Variants in ARL6IP4 observed in about 807,000 individuals in gnomAD.
ARL6IP4 encodes the protein ARF like GTPase 6 interacting protein 4.
Under a neutral mutation model 28.1 loss-of-function variants are expected in ARL6IP4, and 24 were observed. The observed-to-expected ratio is 0.86, with a 90% CI of 0.62 to 1.20. The LOEUF (loss-of-function observed/expected upper bound fraction) is 1.20. ARL6IP4 is among the 50% of genes most tolerant of loss of function. The probability of loss-of-function intolerance (pLI) is 0.00; values close to 1 mark genes in which losing one functional copy is unlikely to be tolerated. For missense variants in ARL6IP4, 343 were observed against 302.4 expected, an observed-to-expected ratio of 1.13 and a Z score of -1.00; for synonymous variants, 162 against 122.3, an observed-to-expected ratio of 1.32 and a Z score of -2.14.
intron 2 of ARL6IP4, 108 bp from the exon 3 acceptor site, chr12:122,981,463 T>C (rs2037649177): frequency 7.2e-7 from 1 of 1,392,472 alleles, no homozygotes; most frequent in African/African-American, 1.5e-5. Context: ...AAGCTCCATC[T>C]CTGTTCTGGA....
At chr12:122,980,998 G>C in intron 1 of ARL6IP4, 131 bp from the exon 2 acceptor site, 3 of 1,406,304 alleles carry the variant, frequency 2.1e-6, no homozygotes, top group Non-Finnish European at 2.8e-6. Context: ...GTGGGTGAGG[G>C]TCGCTCATTT....
rs897363775 is a variant in ARL6IP4 at position 122,982,859 on chromosome 12, C to T, written c.*183C>T. 6.3e-6 allele frequency: 4 copies of T among 634,862 alleles called. No individual in the cohort carries two copies. The highest frequency in any genetic ancestry group is 5.5e-5 in the African/African-American group (3 of 54,738). The allele number at this position is 634,862 out of a possible 1,614,324, so 39.3% of individuals were successfully genotyped here. ...TGGGGTCACCGGCCTGCTTGGCACC[C>T]CCATCTGAAAGAGCAGCACTTCTCA... On this transcript the variant is annotated 3_prime_UTR_variant, in exon 6 of 6. Transcript: ENST00000315580.
At chr12:122,982,352 A>C (rs1005844496) in intron 4 of ARL6IP4, 117 bp from the exon 5 acceptor site, 12 of 1,059,068 alleles carry the variant, frequency 1.1e-5, no homozygotes. Flanking sequence ...GGGTCTGTCC[A>C]CTCAAGGCTG....
At chr12:122,981,090 T>A (rs967320116) in intron 1 of ARL6IP4, 39 bp from the exon 2 acceptor site, 2 of 1,538,230 alleles carry the variant, frequency 1.3e-6, no homozygotes, top group Non-Finnish European at 1.8e-6. Context: ...GCGGCCGGCC[T>A]TGGGGGCTTC....
Position 122,981,655 on chromosome 12 carries a change from G to C in ARL6IP4, c.245G>C (p.Ser82Thr), listed in dbSNP as rs756947445. 1.9e-6 allele frequency: 3 copies of C among 1,556,930 alleles called. No homozygotes were observed. Among genetic ancestry groups the C allele is most frequent in the Non-Finnish European group, 2.6e-6 (3 of 1,150,744 alleles). ...TRSSSSSSSS[S>T]SSSSSSSSSS... ...TCCAGCTCCTCCTCCTCTTCTTCCA[G>C]TTCTTCTAGCTCCTCTTCTTCCTCC... The change falls in exon 3 of 6, where the codon AGT becomes ACT. Residue 82 changes from serine (S) to threonine (T), a missense_variant. Coordinates refer to ENST00000315580, the MANE Select transcript of ARL6IP4 (RefSeq NM_018694.4).
intron 1 of ARL6IP4, 116 bp downstream of exon 1, chr12:122,980,861 G>C: frequency 7.5e-7 from 1 of 1,333,708 alleles, no homozygotes; most frequent in Non-Finnish European, 9.5e-7. Context: ...GGCGGACGGC[G>C]GCCAGTTCCC....
chr12:122,981,371 G>T, intron 2 of ARL6IP4, 72 bp downstream of exon 2: 2 of 1,489,114 alleles, frequency 1.3e-6, no homozygotes, highest in Non-Finnish European at 1.8e-6. Flanking sequence ...AGTGGTCGGG[G>T]ACGCTCAGTC....
upstream of ARL6IP4, chr12:122,980,243 C>T (rs535210587): frequency 1.6e-6 from 2 of 1,235,080 alleles, no homozygotes; most frequent in Non-Finnish European, 2.0e-6. Flanking sequence ...AGAATCCTGG[C>T]TTCCTTCCGG....
At chr12:122,980,933 G>C (rs1046654560) in intron 1 of ARL6IP4, 188 bp downstream of exon 1, 12 of 1,379,812 alleles carry the variant, frequency 8.7e-6, no homozygotes, top group Non-Finnish European at 1.1e-5. Flanking sequence ...CCCTTAACAG[G>C]CACCGCTGCG....
chr12:122,982,365 G>C, intron 4 of ARL6IP4, 104 bp from the exon 5 acceptor site: 1 of 1,157,578 alleles, frequency 8.6e-7, no homozygotes, highest in Non-Finnish European at 1.2e-6. Flanking sequence ...CAAGGCTGCG[G>C]GGTGGGAGCC....
rs183797014 is a variant in ARL6IP4, at chr12:122,981,339, T to C, written c.160+40T>C. ...CATCGGGGAGAGGAGGCGCAGTTAC[T>C]ACCCGGGGAAGTCGGGCGAGCAGTG... On this transcript the variant is annotated intron_variant, in intron 2 of 5. Coordinates refer to ENST00000315580, the MANE Select transcript of ARL6IP4 (RefSeq NM_018694.4). 302 of 1,520,734 alleles carry C rather than the reference T, an allele frequency of 2.0e-4. No homozygotes were observed. In the African/African-American group the frequency reaches 3.6e-3, roughly 18 times the overall value. 94.2% of individuals were successfully genotyped at this position (1,520,734 alleles called of 1,614,324 possible).
upstream of ARL6IP4, chr12:122,980,502 G>A: frequency 1.5e-6 from 2 of 1,368,044 alleles, no homozygotes; most frequent in South Asian, 3.6e-5. Context: ...AGCCTTGGAA[G>A]TGGGCGCAGC....
chr12:122,981,317 C>A lies in ARL6IP4; in HGVS notation c.160+18C>A. 1 of 1,533,480 alleles carries A rather than the reference C, an allele frequency of 6.5e-7. No individual in the cohort carries two copies. Among genetic ancestry groups the A allele is most frequent in the Non-Finnish European group, 8.8e-7 (1 of 1,137,496 alleles). 95.0% of individuals were successfully genotyped at this position (1,533,480 alleles called of 1,614,324 possible). On this transcript the variant is annotated intron_variant, in intron 2 of 5. Transcript: ENST00000315580. ...GGCGGAGGGTGAGGACCACAGGCAT[C>A]GGGGAGAGGAGGCGCAGTTACTACC...
rs1261887306 is a variant in ARL6IP4, at chr12:122,982,680, C to T, written c.*4C>T. 6.8e-6 allele frequency: 11 copies of T among 1,613,196 alleles called. No homozygotes were observed. Among genetic ancestry groups the T allele is most frequent in the Non-Finnish European group, 5.1e-6 (6 of 1,179,896 alleles). On this transcript the variant is annotated 3_prime_UTR_variant, in exon 6 of 6. Coordinates refer to ENST00000315580, the MANE Select transcript of ARL6IP4 (RefSeq NM_018694.4). ...GCGAGCTGGGTTGCTTCCCTGAGGG[C>T]CCCCGCTGGCCAAGGCCTGTGGACG...
chr12:122,980,252 G>C, upstream of ARL6IP4: 1 of 1,237,270 alleles, frequency 8.1e-7, no homozygotes, highest in Non-Finnish European at 1.0e-6. Flanking sequence ...GCTTCCTTCC[G>C]GATGGGCCTG....
Position 122,981,717 on chromosome 12 carries a change from A to C in ARL6IP4, c.307A>C (p.Lys103Gln), listed in dbSNP as rs767208877. 6.4e-7 allele frequency: 1 copy of C among 1,552,794 alleles called. No individual in the cohort carries two copies. The highest frequency in any genetic ancestry group is 1.2e-5 in the South Asian group (1 of 84,390). The change falls in exon 3 of 6, where the codon AAG (lysine) becomes CAG (glutamine). Residue 103 changes from lysine (K) to glutamine (Q), a missense_variant. Transcript: ENST00000315580. ...SSSSSSDGRK[K>Q]RGKYKDKRRK... ...CTCTTCCTCCAGTGATGGCCGGAAG[A>C]AGCGGGGGAAGTACAAGGACAAGAG...
upstream of ARL6IP4, chr12:122,980,458 G>A (rs2037592488): frequency 7.3e-7 from 1 of 1,363,498 alleles, no homozygotes; most frequent in South Asian, 2.0e-5. Context: ...AGGGCACCGG[G>A]GGCGTGGGTG....
rs1160855664 is a variant in ARL6IP4, at chr12:122,981,611, G to A, written c.201G>A (p.Lys67=). Residue 67 remains lysine (K), a synonymous_variant, in exon 3 of 6, where the codon AAG becomes AAA. Transcript: ENST00000315580. Reference sequence around the variant, plus strand: ...GCATCACAGAGAGAAGCAAGCAGAAGGCCCGGAGGAGAACAAGATCCAGCT... The same window carrying A: ...GCATCACAGAGAGAAGCAAGCAGAAAGCCCGGAGGAGAACAAGATCCAGCT... ...SPCITERSKQ[K]ARRRTRSSSS... The A allele has an allele frequency of 2.6e-6, 4 of 1,560,738 alleles. No individual in the cohort carries two copies. Among genetic ancestry groups the A allele is most frequent in the Admixed American group, 1.9e-5 (1 of 54,048 alleles).
Position 122,981,211 on chromosome 12 carries a change from AAAGAAG to A in ARL6IP4, c.77_82del (p.Lys26_Lys27del), listed in dbSNP as rs1311105562. On this transcript the variant is annotated inframe_deletion, in exon 2 of 6. Coordinates refer to ENST00000315580, the MANE Select transcript of ARL6IP4 (RefSeq NM_018694.4). ...CCCGGGGACGGGGGTCGGAAAAGAG[AAAGAAG>A]AAGAGCAGGAAAGACACCTCGAGGA... is the stretch of plus-strand genomic sequence containing the variant. 6.5e-7 allele frequency: 1 copy of A among 1,549,550 alleles called. No homozygotes were observed. The highest frequency in any genetic ancestry group is 8.7e-7 in the Non-Finnish European group (1 of 1,146,570).
Sources: allele counts gnomAD v4.1 joint callset, GRCh38; gene constraint gnomAD v4.1.1; transcripts MANE v1.5; gene names NCBI Gene and HGNC (gene_info 2026-07-23, HGNC 2026-07-21).